SV2B: variants seen among roughly 807,000 people sequenced by gnomAD.
SV2B encodes synaptic vesicle glycoprotein 2B.
A neutral mutation model predicts 73.9 loss-of-function variants in SV2B; 41 were observed. The observed-to-expected ratio is 0.56, with a 90% confidence interval of 0.43 to 0.72. The LOEUF (loss-of-function observed/expected upper bound fraction) is 0.72. Ranked by LOEUF, SV2B falls within the 30% of genes least tolerant of loss-of-function variation. The pLI, the probability that SV2B is intolerant of heterozygous loss-of-function variation, is 0.00. For synonymous variants in SV2B, 314 were observed against 314.2 expected, an observed-to-expected ratio of 1.00 and a Z score of 0.01; for missense variants, 764 against 857.8, an observed-to-expected ratio of 0.89 and a Z score of 1.37.
At chr15:91,179,890 A>C (rs1295223552) in intron 1 of SV2B, among the ~76,000 whole-genome samples, 1 of 151,598 alleles carries the variant, frequency 6.6e-6, no homozygotes, top group Non-Finnish European at 1.5e-5. Context: ...TAGTCCATTT[A>C]CATTTAAAGT....
rs2141772606 is a variant in SV2B, at chr15:91,284,175, C to T, written c.1662C>T (p.Ile554=). The T allele has an allele frequency of 6.2e-7, 1 of 1,614,214 alleles. No homozygotes were observed. The highest frequency in any genetic ancestry group is 8.5e-7 in the Non-Finnish European group (1 of 1,180,044). ...GCCTGTCTGTCTTACCCGGGAACAT[C>T]ATTTCTGCCCTGCTCATGGATAGAA... ...LGSLSVLPGN[I]ISALLMDRIG... is the part of the protein sequence containing the mutation. The change falls in exon 11 of 13, where the codon ATC becomes ATT. Residue 554 remains isoleucine, a synonymous_variant. Coordinates refer to ENST00000394232, the MANE Select transcript of SV2B (RefSeq NM_001323032.3). This position sits in a 1 kb window ranked among gnomAD's most constrained non-coding sequence, Gnocchi z 4.5.
At chr15:91,210,353 A>T (rs2045811008) in intron 1 of SV2B, among the ~76,000 whole-genome samples, 1 of 151,796 alleles carries the variant, frequency 6.6e-6, no homozygotes, top group Admixed American at 6.6e-5. Flanking sequence ...GGAGGTGGTA[A>T]GTAGTTCGGT....
In SV2B at chr15:91,295,028, T is replaced by TG. The variant is rs1198867107; in HGVS notation, c.*2481dup. 4 of 152,674 alleles carry TG rather than the reference T, an allele frequency of 2.6e-5. No homozygotes were observed. Among genetic ancestry groups the TG allele is most frequent in the African/African-American group, 9.7e-5 (4 of 41,444 alleles). 9.5% of individuals were successfully genotyped at this position (152,674 alleles called of 1,614,324 possible). ...AAAAATAGTCTCTGTGGCAGGTCAC[T>TG]GGGGGACAATGTACAGCATTCTGGC... On this transcript the variant is annotated 3_prime_UTR_variant, in exon 13 of 13. Transcript: ENST00000394232.
At chr15:91,138,051 C>CATTGTTA (rs1349701109) in intron 1 of SV2B, among the ~76,000 whole-genome samples, 12 of 152,144 alleles carry the variant, frequency 7.9e-5, no homozygotes, top group African/African-American at 2.9e-4. Flanking sequence ...GTGTTAACAT[C>CATTGTTA]ACATGAAGAA....
At position 91,224,892 on chromosome 15, in the gene SV2B, AC is replaced by A. The variant is rs2046324922; in HGVS notation, c.-391-980del. 6.6e-6 allele frequency among the ~76,000 whole-genome samples: 1 copy of A among 152,192 alleles called. No individual in the cohort carries two copies. Among genetic ancestry groups the A allele is most frequent in the African/African-American group, 2.4e-5 (1 of 41,456 alleles). On this transcript the variant is annotated intron_variant, in intron 1 of 12. Transcript: ENST00000394232. This position sits in a 1 kb window ranked among gnomAD's most constrained non-coding sequence, Gnocchi z 4.9. ...GAGAATCCACTGGGCAAAGGAGTCA[AC>A]AGAGGGACTCTGATTGGAATTGGGA...
rs575095663 is a variant in SV2B at position 91,118,273 on chromosome 15, G to T, written c.-392+17910G>T. 6.6e-6 allele frequency among the ~76,000 whole-genome samples: 1 copy of T among 152,260 alleles called. No individual in the cohort carries two copies. Among genetic ancestry groups the T allele is most frequent in the East Asian group, 1.9e-4 (1 of 5,176 alleles). On this transcript the variant is annotated intron_variant, in intron 1 of 12. Transcript: ENST00000394232. This position sits in a 1 kb window ranked among gnomAD's most constrained non-coding sequence, Gnocchi z 4.7. ...GTGGAATGGAGTCTACTATTCAGGAGAGTGCTTTAGAGGGTTTGATGTGTG... is the reference window on the plus strand; with the variant it reads ...GTGGAATGGAGTCTACTATTCAGGATAGTGCTTTAGAGGGTTTGATGTGTG...
chr15:91,269,109 A>G (rs1017433554), intron 9 of SV2B, among the ~76,000 whole-genome samples: 65 of 138,306 alleles, frequency 4.7e-4, no homozygotes, highest in African/African-American at 1.7e-3. Flanking sequence ...TTTTTAGAGG[A>G]AAAAAAAAAA....
chr15:91,117,542 A>G (rs73503164), intron 1 of SV2B, among the ~76,000 whole-genome samples: 2,089 of 152,308 alleles, frequency 0.014, 43 homozygotes, highest in South Asian at 0.048. Flanking sequence ...TGCTCCAGGC[A>G]TCTCTCATCT....
rs1454778275 is a variant in SV2B at position 91,265,642 on chromosome 15, C to G, written c.1009-940C>G. On this transcript the variant is annotated intron_variant, in intron 6 of 12. Transcript: ENST00000394232. The surrounding 1 kb of genome is among the most constrained non-coding windows in gnomAD (Gnocchi z 4.2). ...AGGTACTGAATAGCTTGAAGCCCAG[C>G]TGCAGCCAAGAGTTCAGCTGCAGAG... Among the ~76,000 whole-genome samples, 9 of 152,226 alleles carry G rather than the reference C, an allele frequency of 5.9e-5. No individual in the cohort carries two copies. The highest frequency in any genetic ancestry group is 1.0e-4 in the Non-Finnish European group (7 of 68,032).
Position 91,240,034 on chromosome 15 carries a change from G to A in SV2B, c.452-11785G>A, listed in dbSNP as rs1472065646. ...ACTATGATTGATCCCTTAGGGTTGAGTGTGTCTGAGGAGGCAATCTCTCTG... is the reference window on the plus strand; with the variant it reads ...ACTATGATTGATCCCTTAGGGTTGAATGTGTCTGAGGAGGCAATCTCTCTG... On this transcript the variant is annotated intron_variant, in intron 2 of 12. Coordinates refer to ENST00000394232, the MANE Select transcript of SV2B (RefSeq NM_001323032.3). This position sits in a 1 kb window ranked among gnomAD's most constrained non-coding sequence, Gnocchi z 4.6. Among the ~76,000 whole-genome samples the A allele has an allele frequency of 6.6e-6, 1 of 152,200 alleles. No homozygotes were observed. Among genetic ancestry groups the A allele is most frequent in the Non-Finnish European group, 1.5e-5 (1 of 68,042 alleles).
chr15:91,112,712 C>T (rs753828314), intron 1 of SV2B, among the ~76,000 whole-genome samples: 1 of 152,206 alleles, frequency 6.6e-6, no homozygotes, highest in Non-Finnish European at 1.5e-5. Context: ...TCTTTTTCCT[C>T]ATCATTTTGG....
At chr15:91,112,695 C>G (rs138813930) in intron 1 of SV2B, among the ~76,000 whole-genome samples, 1 of 152,144 alleles carries the variant, frequency 6.6e-6, no homozygotes, top group Admixed American at 6.6e-5. Flanking sequence ...GGGATTTTCC[C>G]GCTTTCTCTT....
At chr15:91,263,040 C>G (rs914376975) in intron 6 of SV2B, among the ~76,000 whole-genome samples, 1 of 152,184 alleles carries the variant, frequency 6.6e-6, no homozygotes, top group Non-Finnish European at 1.5e-5. Context: ...GGTTTTTGCA[C>G]TACATCAACC....
At chr15:91,237,622 G>A (rs1457067870) in intron 2 of SV2B, among the ~76,000 whole-genome samples, 3 of 151,546 alleles carry the variant, frequency 2.0e-5, no homozygotes, top group East Asian at 1.9e-4. Flanking sequence ...AGAGAACCAC[G>A]TAGTTTATAC....
chr15:91,182,490 A>G (rs1030809811), intron 1 of SV2B, among the ~76,000 whole-genome samples: 6 of 152,184 alleles, frequency 3.9e-5, no homozygotes, highest in African/African-American at 7.2e-5. Flanking sequence ...TAGGGTTCCA[A>G]TGACAATGAT....
intron 1 of SV2B, among the ~76,000 whole-genome samples, chr15:91,187,857 T>C (rs1302543474): frequency 6.6e-6 from 1 of 152,188 alleles, no homozygotes; most frequent in Non-Finnish European, 1.5e-5. Flanking sequence ...GTTTTGGTCC[T>C]TTTGAAGAAA....
rs943075311 is a variant in SV2B, at chr15:91,293,258, A to G, written c.*706A>G. The G allele has an allele frequency of 1.6e-4, 25 of 152,244 alleles. No homozygotes were observed. Among genetic ancestry groups the G allele is most frequent in the African/African-American group, 6.0e-4 (25 of 41,474 alleles). The allele number at this position is 152,244 out of a possible 1,614,324, so 9.4% of individuals were successfully genotyped here. ...TAGTTATTCTGTAAACTAAGTTTGT[A>G]TATAACTTTATTTGGGTTTAATTTC... On this transcript the variant is annotated 3_prime_UTR_variant, in exon 13 of 13. Coordinates refer to ENST00000394232, the MANE Select transcript of SV2B (RefSeq NM_001323032.3).
chr15:91,158,199 C>T (rs2043556183), intron 1 of SV2B, among the ~76,000 whole-genome samples: 1 of 152,136 alleles, frequency 6.6e-6, no homozygotes, highest in East Asian at 1.9e-4. Context: ...GGGCTCTGCC[C>T]TTGTTGGGTG....
chr15:91,137,628 C>CATAT lies in SV2B; in HGVS notation c.-392+37268_-392+37271dup, dbSNP rs10671788. Reference sequence around the variant, plus strand: ...ATTTCATATATATATTTCATATATACATATATTTCATATATACATATATAT... The same window carrying CATAT: ...ATTTCATATATATATTTCATATATACATATATATATTTCATATATACATATATAT... On this transcript the variant is annotated intron_variant, in intron 1 of 12. Coordinates refer to ENST00000394232, the MANE Select transcript of SV2B (RefSeq NM_001323032.3). The surrounding 1 kb of genome is among the most constrained non-coding windows in gnomAD (Gnocchi z 4.9). Among the ~76,000 whole-genome samples, 3 of 34,886 alleles carry CATAT rather than the reference C, an allele frequency of 8.6e-5. No homozygotes were observed. The highest frequency in any genetic ancestry group is 1.8e-4 in the African/African-American group (2 of 11,312). The allele number at this position is 34,886 out of a possible 152,430, so 22.9% of individuals were successfully genotyped here.
Sources: allele counts gnomAD v4.1 joint callset (sites outside exome capture counted in the v4.1 genomes callset), GRCh38; gene constraint gnomAD v4.1.1; non-coding constraint Gnocchi (gnomAD v3.1); transcripts MANE v1.5; gene names NCBI Gene and HGNC (gene_info 2026-07-23, HGNC 2026-07-21).